Variants in DMKN observed in about 807,000 individuals in gnomAD.
DMKN encodes the protein epidermis-specific secreted protein SK30/SK89.
Under a neutral mutation model 67.6 loss-of-function variants are expected in DMKN, and 58 were observed. The observed-to-expected ratio is 0.86, with a 90% CI of 0.69 to 1.07. DMKN has a LOEUF of 1.07. Among genes scored for constraint, DMKN ranks in the 50% least tolerant of loss-of-function variants. The pLI is 0.00. For synonymous variants in DMKN, 240 were observed against 232.3 expected (o/e 1.03, Z -0.30); for missense variants, 596 against 601.5 (o/e 0.99, Z 0.10).
intron 3 of DMKN, 85 bp downstream of exon 3, chr19:35,512,336 T>C (rs1201749413): frequency 1.3e-6 from 2 of 1,540,398 alleles, no homozygotes; most frequent in African/African-American, 1.4e-5. Context: ...CACTCCCCCA[T>C]CTTGCTTTCC....
At chr19:35,498,612 C>T in intron 15 of DMKN, 104 bp downstream of exon 15, 2 of 1,500,104 alleles carry the variant, frequency 1.3e-6, no homozygotes, top group South Asian at 2.5e-5. Context: ...CTTCATGTCG[C>T]TGCCCACTGA....
At chr19:35,510,448 G>C in intron 5 of DMKN, 196 bp from the exon 6 acceptor site, 1 of 1,552,176 alleles carries the variant, frequency 6.4e-7, no homozygotes, top group South Asian at 1.2e-5. Context: ...AGGTGTGGCC[G>C]AGGGTATTCG....
At chr19:35,508,177 T>C in intron 7 of DMKN, 1 of 1,551,958 alleles carries the variant, frequency 6.4e-7, no homozygotes, top group Non-Finnish European at 8.7e-7. Flanking sequence ...CGGCACAGTC[T>C]CTGACCCCAC....
chr19:35,506,531 G>C (rs2146064026), intron 7 of DMKN: 1 of 494,816 alleles, frequency 2.0e-6, no homozygotes, highest in East Asian at 5.8e-5. Context: ...TCTGTCTCCA[G>C]AGTCTGGACT....
chr19:35,503,825 G>A (rs117483656), intron 9 of DMKN, among the ~76,000 whole-genome samples: 2,665 of 152,196 alleles, frequency 0.018, 34 homozygotes, highest in Non-Finnish European at 0.025. Context: ...CCAGGGCATT[G>A]TGAGCCAGCA....
intron 7 of DMKN, chr19:35,506,649 G>A: frequency 2.3e-6 from 1 of 443,882 alleles, no homozygotes; most frequent in South Asian, 1.6e-5. Flanking sequence ...CAGGCTCGGA[G>A]AGGTTAGCTG....
intron 7 of DMKN, chr19:35,506,911 G>T: frequency 5.0e-6 from 1 of 200,232 alleles, no homozygotes. Flanking sequence ...TACTTGGGAG[G>T]CTGAGGCATG....
intron 5 of DMKN, 187 bp from the exon 6 acceptor site, chr19:35,510,439 G>T: frequency 6.4e-7 from 1 of 1,552,288 alleles, no homozygotes; most frequent in Non-Finnish European, 8.7e-7. Context: ...GAGAAGGCCA[G>T]GTGTGGCCGA....
rs115400233 is a variant in DMKN at position 35,500,295 on chromosome 19, A to G, written c.1287+238T>C. ...CCTCAAGACCTCTGCCAACTCTTCA[A>G]GTGTTACTTGGGAGGTGAGGGTAGG... is the stretch of plus-strand genomic sequence containing the variant. On this transcript the variant is annotated intron_variant, in intron 12 of 15. Coordinates refer to ENST00000339686, the MANE Select transcript of DMKN (RefSeq NM_033317.5). The G allele has an allele frequency of 4.2e-4, 636 of 1,505,872 alleles. 3 individuals are homozygous for G. The African/African-American group carries it at 6.0e-3, about 14-fold the overall frequency. The allele number at this position is 1,505,872 out of a possible 1,614,324, so 93.3% of individuals were successfully genotyped here.
intron 9 of DMKN, chr19:35,503,401 G>C (rs1005648616): frequency 2.9e-5 from 45 of 1,551,522 alleles, no homozygotes; most frequent in Non-Finnish European, 3.9e-5. Flanking sequence ...CATCCAATCT[G>C]GTGGCTCCTT....
At chr19:35,506,175 G>C (rs62111739) in intron 7 of DMKN, 189 bp from the exon 8 acceptor site, 24,752 of 1,527,384 alleles carry the variant, frequency 0.016, 249 homozygotes, top group Non-Finnish European at 0.019. Flanking sequence ...GCCCCAGCTC[G>C]ACCCTTGCCC....
chr19:35,510,646 T>C, intron 5 of DMKN: 1 of 1,256,402 alleles, frequency 8.0e-7, no homozygotes, highest in Non-Finnish European at 1.1e-6. Context: ...CTGCCCTAGA[T>C]GGGGGAGAGG....
Position 35,513,419 on chromosome 19 carries a change from C to T in DMKN, c.57G>A (p.Gly19=). Residue 19 remains glycine (G), a synonymous_variant, in exon 1 of 16, where the codon GGG becomes GGA. Transcript: ENST00000339686. Reference sequence around the variant, plus strand: ...CTCCGCTCTGCAGGGGGCCAGCCTCCCCACTGCCCAGGCAGAGGGCCAGCA... The same window carrying T: ...CTCCGCTCTGCAGGGGGCCAGCCTCTCCACTGCCCAGGCAGAGGGCCAGCA... ...CLLLALCLGS[G]EAGPLQSGEE... is the part of the protein sequence containing the mutation. 1 of 1,604,132 alleles carries T rather than the reference C, an allele frequency of 6.2e-7. No individual in the cohort carries two copies. Among genetic ancestry groups the T allele is most frequent in the Non-Finnish European group, 8.5e-7 (1 of 1,179,962 alleles).
chr19:35,502,524 C>A (rs1417448620), intron 10 of DMKN, among the ~76,000 whole-genome samples: 1 of 151,844 alleles, frequency 6.6e-6, no homozygotes. Flanking sequence ...ATGGTATAAA[C>A]CCTGTCTCTA....
rs113645102 is a variant in DMKN, at chr19:35,505,926, T to A, written c.1086+13A>T. On this transcript the variant is annotated intron_variant, in intron 8 of 15. Transcript: ENST00000339686. ...CCAAATGCGAGTGAACAGAGCCATC[T>A]CGCAGAACTCACCTTCCAGAAAGTG... 5.2e-5 allele frequency: 84 copies of A among 1,614,074 alleles called. No homozygotes were observed. The highest frequency in any genetic ancestry group is 3.3e-4 in the Middle Eastern group (2 of 6,084).
chr19:35,507,535 G>A (rs1357359434), intron 7 of DMKN: 4 of 1,550,920 alleles, frequency 2.6e-6, no homozygotes, highest in Non-Finnish European at 3.5e-6. Flanking sequence ...AAACGGAGAG[G>A]AGTTGATGGG....
chr19:35,510,192 T>C lies in DMKN; in HGVS notation c.979A>G (p.Lys327Glu). 2 of 1,608,900 alleles carry C rather than the reference T, an allele frequency of 1.2e-6. No individual in the cohort carries two copies. Among genetic ancestry groups the C allele is most frequent in the Non-Finnish European group, 1.7e-6 (2 of 1,177,852 alleles). ...HGGSGGGNGH[K>E]PGCEKPGNEA... is the part of the protein sequence containing the mutation. The stretch of plus-strand genomic sequence containing the variant: ...TCACGCCAGCCACTCACCCCGGGTT[T>C]ATGTCCATTTCCTCCGCCGCTCCCA... Residue 327 changes from lysine (K) to glutamate (E), a missense_variant, in exon 6 of 16, where the codon AAA becomes GAA. Transcript: ENST00000339686.
Position 35,499,797 on chromosome 19 carries a change from G to T in DMKN, c.1359+161C>A. 3.0e-6 allele frequency: 2 copies of T among 673,364 alleles called. 1 individual carries two copies. The highest frequency in any genetic ancestry group is 3.8e-5 in the South Asian group (2 of 52,758). The allele number at this position is 673,364 out of a possible 1,614,324, so 41.7% of individuals were successfully genotyped here. Reference sequence around the variant, plus strand: ...CCCTCCACTTCCAAACTGTCTCAGGGAACCCGAGTCTCCCTTGCAAAGGGG... The same window carrying T: ...CCCTCCACTTCCAAACTGTCTCAGGTAACCCGAGTCTCCCTTGCAAAGGGG... On this transcript the variant is annotated intron_variant, in intron 13 of 15. Transcript: ENST00000339686.
At chr19:35,499,864 G>A in intron 13 of DMKN, 94 bp downstream of exon 13, 3 of 1,417,082 alleles carry the variant, frequency 2.1e-6, no homozygotes, top group Non-Finnish European at 3.0e-6. Flanking sequence ...CCGGCCTCCG[G>A]CAACCAACCG....
Sources: allele counts gnomAD v4.1 joint callset (sites outside exome capture counted in the v4.1 genomes callset), GRCh38; gene constraint gnomAD v4.1.1; transcripts MANE v1.5; gene names NCBI Gene and HGNC (gene_info 2026-07-23, HGNC 2026-07-21).